The following A1CF variants were observed in gnomAD, a reference collection of about 807,000 sequenced individuals.
A1CF encodes the protein APOBEC-1 stimulating protein.
A1CF carries 48 observed loss-of-function variants against 68.9 expected under a neutral mutation model. The observed-to-expected ratio is 0.70, with a 90% confidence interval of 0.55 to 0.89. A1CF has a LOEUF of 0.89. Among genes scored for constraint, A1CF ranks in the 40% least tolerant of loss-of-function variants. A1CF has a pLI of 0.00. For missense variants in A1CF, 653 were observed against 718.9 expected, an observed-to-expected ratio of 0.91 and a Z score of 1.05; for synonymous variants, 272 against 260.4, an observed-to-expected ratio of 1.04 and a Z score of -0.43.
At position 50,802,741 on chromosome 10, in the gene A1CF, A is replaced by C. The variant is rs189535128; in HGVS notation, c.*3988T>G. ...AAACTTCATAGGTTAGAATGCAATG[A>C]AAATTTACCCCGAATATTAACTTGA... On this transcript the variant is annotated 3_prime_UTR_variant, in exon 13 of 13. Transcript: ENST00000373997. 1.3e-5 allele frequency: 2 copies of C among 152,330 alleles called. No homozygotes were observed. The highest frequency in any genetic ancestry group is 3.9e-4 in the East Asian group (2 of 5,192). The allele number at this position is 152,330 out of a possible 1,614,324, so 9.4% of individuals were successfully genotyped here.
chr10:50,856,535 C>T (rs1176695874), intron 3 of A1CF, among the ~76,000 whole-genome samples: 1 of 152,050 alleles, frequency 6.6e-6, no homozygotes, highest in Non-Finnish European at 1.5e-5. Context: ...TTGTCACATG[C>T]TCTAGGATGC....
intron 10 of A1CF, among the ~76,000 whole-genome samples, chr10:50,813,499 C>A (rs74476378): frequency 0.019 from 2,886 of 152,278 alleles, 81 homozygotes; most frequent in African/African-American, 0.064. Context: ...TAATACTCTT[C>A]ATTTGCCAGC....
Position 50,828,165 on chromosome 10 carries a change from C to T in A1CF, c.735G>A (p.Glu245=). The change falls in exon 7 of 13, where the codon GAG becomes GAA. Residue 245 remains glutamate (E), a synonymous_variant. Coordinates refer to ENST00000373997, the MANE Select transcript of A1CF (RefSeq NM_014576.4). Reference sequence around the variant, plus strand: ...TATTGTTGAATTCCTTTTCAATCATCTCTTCAGAGGTAGACAGCATAAGAT... The same window carrying T: ...TATTGTTGAATTCCTTTTCAATCATTTCTTCAGAGGTAGACAGCATAAGAT... ...VRNLMLSTSE[E]MIEKEFNNIK... 6.3e-7 allele frequency: 1 copy of T among 1,591,900 alleles called. No homozygotes were observed. The highest frequency in any genetic ancestry group is 8.6e-7 in the Non-Finnish European group (1 of 1,165,464).
intron 8 of A1CF, among the ~76,000 whole-genome samples, chr10:50,818,220 G>A (rs146334995): frequency 6.6e-6 from 1 of 152,000 alleles, no homozygotes; most frequent in Non-Finnish European, 1.5e-5. Context: ...TCTCTCACCT[G>A]TATTAAAAAG....
chr10:50,815,709 A>C (rs1053200192), intron 9 of A1CF, among the ~76,000 whole-genome samples: 7 of 152,280 alleles, frequency 4.6e-5, no homozygotes, highest in African/African-American at 1.7e-4. Context: ...GATATAGAAG[A>C]AGCTAACAAT....
At position 50,799,621 on chromosome 10, in the gene A1CF, C is replaced by A. The variant is rs1339850596; in HGVS notation, c.*7108G>T. On this transcript the variant is annotated 3_prime_UTR_variant, in exon 13 of 13. Coordinates refer to ENST00000373997, the MANE Select transcript of A1CF (RefSeq NM_014576.4). ...ATATATTTAGATAGATCACAAAGTT[C>A]TATAAAACATTGTACTAAAGTACAA... is the stretch of plus-strand genomic sequence containing the variant. 6.6e-6 allele frequency: 1 copy of A among 152,042 alleles called. No homozygotes were observed. Among genetic ancestry groups the A allele is most frequent in the Non-Finnish European group, 1.5e-5 (1 of 67,988 alleles). 9.4% of individuals were successfully genotyped at this position (152,042 alleles called of 1,614,324 possible).
intron 3 of A1CF, among the ~76,000 whole-genome samples, chr10:50,858,395 TCTG>T (rs1840585725): frequency 6.6e-6 from 1 of 152,134 alleles, no homozygotes; most frequent in African/African-American, 2.4e-5. Context: ...TTTCATAAAT[TCTG>T]CTTGTTGGGT....
At chr10:50,847,955 T>C (rs1033690561) in intron 3 of A1CF, among the ~76,000 whole-genome samples, 1 of 152,210 alleles carries the variant, frequency 6.6e-6, no homozygotes, top group African/African-American at 2.4e-5. Context: ...CAGTACCCTT[T>C]TAATAAACTC....
chr10:50,875,850 C>T (rs529439028), intron 1 of A1CF, among the ~76,000 whole-genome samples: 1 of 152,314 alleles, frequency 6.6e-6, no homozygotes, highest in East Asian at 1.9e-4. Flanking sequence ...CTAGTATTCT[C>T]CTGCCCCAAA....
chr10:50,847,420 A>T (rs889725471), intron 3 of A1CF, among the ~76,000 whole-genome samples: 2 of 152,124 alleles, frequency 1.3e-5, no homozygotes, highest in African/African-American at 2.4e-5. Context: ...AGTACTTGGA[A>T]ATTTCCTCCT....
At chr10:50,832,376 C>T (rs1839288365) in intron 6 of A1CF, among the ~76,000 whole-genome samples, 1 of 152,126 alleles carries the variant, frequency 6.6e-6, no homozygotes, top group South Asian at 2.1e-4. Context: ...CCTACCCTTC[C>T]CAATTCTGAT....
chr10:50,801,540 C>T lies in A1CF; in HGVS notation c.*5189G>A, dbSNP rs1187089171. ...GTCCTGGAAAACCAGAATGTATTGT[C>T]ACCTCAGAGAGACATTGGTAAACCC... On this transcript the variant is annotated 3_prime_UTR_variant, in exon 13 of 13. Coordinates refer to ENST00000373997, the MANE Select transcript of A1CF (RefSeq NM_014576.4). The T allele has an allele frequency of 1.3e-5, 2 of 152,212 alleles. No individual in the cohort carries two copies. Among genetic ancestry groups the T allele is most frequent in the Non-Finnish European group, 1.5e-5 (1 of 68,038 alleles). 9.4% of individuals were successfully genotyped at this position (152,212 alleles called of 1,614,324 possible).
intron 8 of A1CF, among the ~76,000 whole-genome samples, chr10:50,817,634 T>C (rs1263833939): frequency 2.0e-5 from 3 of 152,136 alleles, no homozygotes; most frequent in Non-Finnish European, 4.4e-5. Flanking sequence ...GGAACTTGGG[T>C]ATAAGATTCT....
intron 3 of A1CF, among the ~76,000 whole-genome samples, chr10:50,848,942 A>G (rs1304035475): frequency 6.6e-6 from 1 of 152,208 alleles, no homozygotes; most frequent in Non-Finnish European, 1.5e-5. Context: ...GGCATGGAGG[A>G]CATCACTCTT....
intron 1 of A1CF, among the ~76,000 whole-genome samples, chr10:50,882,441 C>G (rs776070109): frequency 9.2e-5 from 14 of 152,032 alleles, no homozygotes; most frequent in Non-Finnish European, 1.6e-4. Context: ...CTCATACAAA[C>G]AAACCATCAT....
At position 50,820,616 on chromosome 10, in the gene A1CF, T is replaced by C; in HGVS notation, c.803A>G (p.Tyr268Cys). Residue 268 changes from tyrosine (Y) to cysteine (C), a missense_variant, in exon 8 of 13, where the codon TAT becomes TGT. Coordinates refer to ENST00000373997, the MANE Select transcript of A1CF (RefSeq NM_014576.4). ...AVERVKKIRD[Y>C]AFVHFSNRED... ...TCGGTTACTGAAGTGCACAAAAGCA[T>C]AGTCTCGAATTTTCTTCACCCTCTC... The C allele has an allele frequency of 6.2e-7, 1 of 1,613,626 alleles. No individual in the cohort carries two copies. The highest frequency in any genetic ancestry group is 8.5e-7 in the Non-Finnish European group (1 of 1,179,760).
intron 6 of A1CF, among the ~76,000 whole-genome samples, chr10:50,833,970 G>C (rs1198617552): frequency 6.6e-6 from 1 of 152,146 alleles, no homozygotes; most frequent in Non-Finnish European, 1.5e-5. Flanking sequence ...CCTCCCTATG[G>C]CATATCCTGG....
intron 1 of A1CF, among the ~76,000 whole-genome samples, chr10:50,879,700 A>T (rs1841683201): frequency 6.6e-6 from 1 of 152,152 alleles, no homozygotes; most frequent in Non-Finnish European, 1.5e-5. Context: ...CATGGGGGAA[A>T]CCACCCCCAT....
rs1315982637 is a variant in A1CF, at chr10:50,849,772, T to C, written c.100-5650A>G. On this transcript the variant is annotated intron_variant, in intron 3 of 12. Coordinates refer to ENST00000373997, the MANE Select transcript of A1CF (RefSeq NM_014576.4). ...ACATAAACGACTAAAAATAGTGAGT[T>C]GATTTAATGAATTCTTTTTTTTTTT... 2.6e-5 allele frequency among the ~76,000 whole-genome samples: 4 copies of C among 151,216 alleles called. No individual in the cohort carries two copies. In the East Asian group the frequency reaches 7.8e-4, roughly 29 times the overall value.
Sources: gnomAD v4.1 joint callset for allele counts (sites outside exome capture counted in the v4.1 genomes callset) on GRCh38, gnomAD v4.1.1 for gene constraint, MANE v1.5 for transcripts, NCBI Gene and HGNC (gene_info 2026-07-23, HGNC 2026-07-21) for gene names.